Variants in OCA2 observed in about 807,000 individuals in gnomAD.
The protein encoded by OCA2 is P protein.
Under a neutral mutation model 100.2 loss-of-function variants are expected in OCA2, and 77 were observed. The observed-to-expected ratio is 0.77, with a 90% CI of 0.64 to 0.93. The LOEUF is 0.93. Among genes scored for constraint, OCA2 ranks in the 40% least tolerant of loss-of-function variants. The pLI is 0.00. For synonymous variants in OCA2, 432 were observed against 439.2 expected, an observed-to-expected ratio of 0.98 and a Z score of 0.21; for missense variants, 1,062 against 1,089.1, an observed-to-expected ratio of 0.98 and a Z score of 0.35.
chr15:27,987,455 C>A (rs977724177), intron 11 of OCA2, among the ~76,000 whole-genome samples: 2 of 152,068 alleles, frequency 1.3e-5, no homozygotes, highest in Admixed American at 1.3e-4. Context: ...TGTGGTGGCT[C>A]ACGCCTGTAA....
chr15:27,748,851 C>G, the OCA2 span, among the ~76,000 whole-genome samples: 1 of 151,950 alleles, frequency 6.6e-6, no homozygotes, highest in Admixed American at 6.6e-5. Context: ...AAATAAAATA[C>G]TTGCTGAATG....
chr15:27,868,650 G>A (rs1258601688), intron 21 of OCA2, among the ~76,000 whole-genome samples: 3 of 152,126 alleles, frequency 2.0e-5, no homozygotes, highest in Non-Finnish European at 2.9e-5. Context: ...ATGACACAGT[G>A]CCTAGCGTTA....
At position 27,985,198 on chromosome 15, in the gene OCA2, C is replaced by T. The variant is rs2041312830; in HGVS notation, c.1240-10G>A. 1.2e-6 allele frequency: 2 copies of T among 1,613,510 alleles called. No homozygotes were observed. The highest frequency in any genetic ancestry group is 1.7e-6 in the Non-Finnish European group (2 of 1,179,986). ...GGGAGAGCCGGTATGCCTGGCCACACACACACAGAGAGAGTACAAGCCAGA... is the reference window on the plus strand; with the variant it reads ...GGGAGAGCCGGTATGCCTGGCCACATACACACAGAGAGAGTACAAGCCAGA... On this transcript the variant is annotated splice_polypyrimidine_tract_variant and intron_variant, in intron 12 of 23. Transcript: ENST00000354638.
chr15:28,095,182 G>A (rs1163323514), intron 1 of OCA2, among the ~76,000 whole-genome samples: 2 of 152,220 alleles, frequency 1.3e-5, no homozygotes, highest in East Asian at 1.9e-4. Flanking sequence ...AGTGCTCCGG[G>A]CATGGTGGGT....
At chr15:27,747,362 A>G in the OCA2 span, among the ~76,000 whole-genome samples, 13 of 152,262 alleles carry the variant, frequency 8.5e-5, no homozygotes, top group Admixed American at 8.5e-4. Flanking sequence ...ATTCTGGACT[A>G]AGCTACTTTG....
chr15:27,873,372 CA>C (rs1232607448), intron 19 of OCA2, among the ~76,000 whole-genome samples: 2 of 152,192 alleles, frequency 1.3e-5, no homozygotes, highest in East Asian at 3.8e-4. Flanking sequence ...CCAATGTTCC[CA>C]GGGGGGATAA....
chr15:27,745,805 A>T, the OCA2 span, among the ~76,000 whole-genome samples: 2 of 152,152 alleles, frequency 1.3e-5, no homozygotes, highest in Admixed American at 6.5e-5. Flanking sequence ...CATAATCAGA[A>T]CCCTGTTGTC....
rs145770787 is a variant in OCA2, at chr15:27,830,338, G to A, written c.2432+14621C>T. On this transcript the variant is annotated intron_variant, in intron 23 of 23. Coordinates refer to ENST00000354638, the MANE Select transcript of OCA2 (RefSeq NM_000275.3). ...AGCTGGAGACCCATGTTTTATAGGT[G>A]AGCTGCATCCATGTCGCACCATACA... Among the ~76,000 whole-genome samples, 12 of 152,280 alleles carry A rather than the reference G, an allele frequency of 7.9e-5. No homozygotes were observed. The East Asian group carries it at 1.7e-3, about 22-fold the overall frequency.
At chr15:27,881,219 C>G (rs1278999272) in intron 19 of OCA2, among the ~76,000 whole-genome samples, 1 of 152,144 alleles carries the variant, frequency 6.6e-6, no homozygotes, top group African/African-American at 2.4e-5. Flanking sequence ...CCGACTTGAT[C>G]GTGGTGGATA....
At chr15:28,045,785 T>A (rs546544259) in intron 2 of OCA2, among the ~76,000 whole-genome samples, 51 of 152,342 alleles carry the variant, frequency 3.3e-4, no homozygotes, top group African/African-American at 1.2e-3. Flanking sequence ...ACTTCTTAGT[T>A]ATCTGTCACA....
At chr15:27,804,269 T>A (rs944876044) in intron 23 of OCA2, among the ~76,000 whole-genome samples, 4 of 152,208 alleles carry the variant, frequency 2.6e-5, no homozygotes, top group African/African-American at 9.6e-5. Flanking sequence ...CCTTGTCTAC[T>A]ATGAAGTGCC....
chr15:27,751,544 A>G (rs754127566), downstream of OCA2, among the ~76,000 whole-genome samples: 5 of 152,234 alleles, frequency 3.3e-5, no homozygotes, highest in Non-Finnish European at 7.3e-5. Flanking sequence ...AACATATTGG[A>G]TTCGCTGCTC....
chr15:27,792,763 G>A (rs2033144254), intron 23 of OCA2, among the ~76,000 whole-genome samples: 1 of 152,236 alleles, frequency 6.6e-6, no homozygotes, highest in African/African-American at 2.4e-5. Flanking sequence ...GGCCAAAGAA[G>A]GGCCTAATTC....
At chr15:27,987,573 C>CA (rs1231461979) in intron 11 of OCA2, among the ~76,000 whole-genome samples, 22 of 139,882 alleles carry the variant, frequency 1.6e-4, no homozygotes, top group Admixed American at 1.6e-3. Flanking sequence ...AAAAAAAATA[C>CA]AAAAAATTAG....
At chr15:27,999,759 T>C (rs535402749) in intron 9 of OCA2, among the ~76,000 whole-genome samples, 1 of 152,298 alleles carries the variant, frequency 6.6e-6, no homozygotes, top group South Asian at 2.1e-4. Flanking sequence ...AATAAACAAA[T>C]TCAGTAAATT....
At chr15:27,877,901 TA>T (rs1343453735) in intron 19 of OCA2, among the ~76,000 whole-genome samples, 1 of 151,844 alleles carries the variant, frequency 6.6e-6, no homozygotes, top group East Asian at 1.9e-4. Flanking sequence ...TCTCTTTTTT[TA>T]TTCATTTCTG....
chr15:27,897,292 C>A (rs937869868), intron 19 of OCA2, among the ~76,000 whole-genome samples: 1 of 152,152 alleles, frequency 6.6e-6, no homozygotes, highest in African/African-American at 2.4e-5. Flanking sequence ...TGCCTCCCTG[C>A]CCTGTGTAGC....
rs561846085 is a variant in OCA2 at position 27,957,326 on chromosome 15, C to T, written c.1784+262G>A. On this transcript the variant is annotated intron_variant, in intron 16 of 23. Transcript: ENST00000354638. The surrounding 1 kb of genome is among the most constrained non-coding windows in gnomAD (Gnocchi z 4.3). ...TGAGAGCCCCATCCCCAGTGCCACTCCTTCCGAGCTGCACAACCCTGGGCA... is the reference window on the plus strand; with the variant it reads ...TGAGAGCCCCATCCCCAGTGCCACTTCTTCCGAGCTGCACAACCCTGGGCA... Among the ~76,000 whole-genome samples the T allele has an allele frequency of 2.7e-4, 41 of 152,286 alleles. No homozygotes were observed. The highest frequency in any genetic ancestry group is 5.4e-4 in the Non-Finnish European group (37 of 68,028).
chr15:27,901,778 C>T (rs1025733903), intron 19 of OCA2, among the ~76,000 whole-genome samples: 2 of 152,194 alleles, frequency 1.3e-5, no homozygotes, highest in Non-Finnish European at 2.9e-5. Context: ...GAAATACATG[C>T]ACATGTAAGT....
Sources: gnomAD v4.1 joint callset for allele counts (sites outside exome capture counted in the v4.1 genomes callset) on GRCh38, gnomAD v4.1.1 for gene constraint, Gnocchi (gnomAD v3.1) non-coding constraint, MANE v1.5 for transcripts, NCBI Gene and HGNC (gene_info 2026-07-23, HGNC 2026-07-21) for gene names.